The following LIPA variants were observed in gnomAD, a reference collection of about 807,000 sequenced individuals.
LIPA encodes lipase A, lysosomal acid type, also known as lysosomal acid lipase/cholesteryl ester hydrolase.
In LIPA, 26 loss-of-function variants were observed where a neutral mutation model predicts 40.6. The observed-to-expected ratio is 0.64, with a 90% CI of 0.47 to 0.89. The LOEUF is 0.89. LIPA is among the 40% of genes least tolerant of loss of function. The pLI, the probability that LIPA is intolerant of heterozygous loss-of-function variation, is 0.00. For synonymous variants in LIPA, 188 were observed against 168.4 expected, an observed-to-expected ratio of 1.12 and a Z score of -0.90; for missense variants, 455 against 479.6, an observed-to-expected ratio of 0.95 and a Z score of 0.48.
intron 1 of LIPA, among the ~76,000 whole-genome samples, chr10:89,323,039 C>A (rs560555949): frequency 6.6e-6 from 1 of 152,298 alleles, no homozygotes; most frequent in African/African-American, 2.4e-5. Context: ...CTCTTGTAGC[C>A]AGGCAAGCCA....
chr10:89,244,092 C>G (rs540020469), intron 3 of LIPA, among the ~76,000 whole-genome samples: 5 of 152,030 alleles, frequency 3.3e-5, no homozygotes, highest in African/African-American at 1.2e-4. Flanking sequence ...TAACTCATCA[C>G]TCATTTTATA....
intron 1 of LIPA, among the ~76,000 whole-genome samples, chr10:89,325,645 A>G (rs1005890604): frequency 6.6e-6 from 1 of 152,232 alleles, no homozygotes; most frequent in African/African-American, 2.4e-5. Context: ...GTTCTCACTT[A>G]TAAGTGGGAA....
intron 1 of LIPA, among the ~76,000 whole-genome samples, chr10:89,296,397 C>G (rs117390958): frequency 0.017 from 2,563 of 149,436 alleles, 72 homozygotes; most frequent in Admixed American, 0.08. Flanking sequence ...GAGGGTGAGG[C>G]ACGAGAACTG....
At chr10:89,254,156 G>C (rs1374467725), upstream of LIPA, among the ~76,000 whole-genome samples, 1 of 152,258 alleles carries the variant, frequency 6.6e-6, no homozygotes, top group Non-Finnish European at 1.5e-5. Flanking sequence ...TGGGGACTCT[G>C]TGTGAGGCCT....
intron 2 of LIPA, among the ~76,000 whole-genome samples, chr10:89,364,223 G>C (rs1433488513): frequency 2.0e-5 from 3 of 152,128 alleles, no homozygotes; most frequent in Admixed American, 1.3e-4. Flanking sequence ...CTTTATCACT[G>C]CACCCCTTTG....
rs187902136 is a variant in LIPA, at chr10:89,400,094, G to A, written c.61+12697C>T. Among the ~76,000 whole-genome samples, 189 of 152,310 alleles carry A rather than the reference G, an allele frequency of 1.2e-3. 3 individuals carry two copies. Among genetic ancestry groups the A allele is most frequent in the African/African-American group, 3.7e-3 (154 of 41,566 alleles). ...CTAACTAATACAGTCAGATAAGTAA[G>A]GGTTTTTTTCAGGGCTTTCTATTCT... On this transcript the variant is annotated intron_variant, in intron 2 of 8. Coordinates refer to the LIPA transcript ENST00000371837.
At chr10:89,410,192 A>T (rs191672955) in intron 2 of LIPA, among the ~76,000 whole-genome samples, 47 of 152,358 alleles carry the variant, frequency 3.1e-4, no homozygotes, top group African/African-American at 1.1e-3. Context: ...AAATAATATA[A>T]GGAAAGGGTC....
chr10:89,327,937 C>T (rs1843614742), intron 1 of LIPA: 2 of 754,436 alleles, frequency 2.7e-6, no homozygotes, highest in Non-Finnish European at 4.5e-6. Context: ...GAGAAAACAT[C>T]AGCTGATGCG....
chr10:89,221,849 A>G (rs1842702593), intron 8 of LIPA, among the ~76,000 whole-genome samples: 1 of 152,256 alleles, frequency 6.6e-6, no homozygotes, highest in African/African-American at 2.4e-5. Context: ...AGAGACATTC[A>G]ATATCTATGG....
At chr10:89,302,445 T>C (rs1843451325) in intron 1 of LIPA, among the ~76,000 whole-genome samples, 1 of 152,178 alleles carries the variant, frequency 6.6e-6, no homozygotes, top group African/African-American at 2.4e-5. Flanking sequence ...CACTTAAAGA[T>C]GGGTCTGGGG....
intron 2 of LIPA, among the ~76,000 whole-genome samples, chr10:89,372,378 A>G (rs1184972249): frequency 6.6e-6 from 1 of 152,252 alleles, no homozygotes; most frequent in Non-Finnish European, 1.5e-5. Context: ...GATTTTGCCA[A>G]ACACTTCAGG....
At position 89,267,939 on chromosome 10, in the gene LIPA, G is replaced by A. The variant is rs1843246568; in HGVS notation, c.-1-20290C>T. Among the ~76,000 whole-genome samples the A allele has an allele frequency of 2.0e-5, 3 of 152,158 alleles. No homozygotes were observed. In the South Asian group the frequency reaches 6.2e-4, roughly 32 times the overall value. On this transcript the variant is annotated intron_variant, in intron 1 of 5. Transcript: ENST00000282673. ...GAGAATAATGGAAAGTGGAACTCAG[G>A]GGAGTTAAGGAATGGGGAATAAGCT...
chr10:89,292,155 G>A lies in LIPA; in HGVS notation c.-1-44506C>T, dbSNP rs769746137. 1.1e-4 allele frequency: 16 copies of A among 152,160 alleles called. 1 individual carries two copies. The highest frequency in any genetic ancestry group is 3.9e-4 in the Admixed American group (6 of 15,272). 9.4% of individuals were successfully genotyped at this position (152,160 alleles called of 1,614,324 possible). On this transcript the variant is annotated intron_variant, in intron 1 of 5. Transcript: ENST00000282673. Reference sequence around the variant, plus strand: ...TGTTTTTGAGCATCTTTGTTACAGCGGCTAGGTGTATACTAATTCAGGGAT... The same window carrying A: ...TGTTTTTGAGCATCTTTGTTACAGCAGCTAGGTGTATACTAATTCAGGGAT...
chr10:89,214,026 A>G lies in LIPA; in HGVS notation c.*802T>C, dbSNP rs1295111738. ...CATTAATCTCAGAAAAAATAGTGGT[A>G]TAGTCTCCACAGGGATTTGCTTCTC... is the stretch of plus-strand genomic sequence containing the variant. On this transcript the variant is annotated 3_prime_UTR_variant, in exon 10 of 10. Transcript: ENST00000336233. 2.0e-5 allele frequency: 3 copies of G among 152,214 alleles called. No individual in the cohort carries two copies. Among genetic ancestry groups the G allele is most frequent in the Admixed American group, 1.3e-4 (2 of 15,278 alleles). 9.4% of individuals were successfully genotyped at this position (152,214 alleles called of 1,614,324 possible).
At chr10:89,395,501 G>C (rs1461297174) in intron 2 of LIPA, among the ~76,000 whole-genome samples, 1 of 151,916 alleles carries the variant, frequency 6.6e-6, no homozygotes, top group African/African-American at 2.4e-5. Flanking sequence ...TGCCTCCTTT[G>C]TATTTCACCT....
At chr10:89,252,499 A>AAAC (rs199531627), upstream of LIPA, among the ~76,000 whole-genome samples, 1 of 152,078 alleles carries the variant, frequency 6.6e-6, no homozygotes, top group Non-Finnish European at 1.5e-5. Flanking sequence ...AAAAACAAAC[A>AAAC]AACAACAACA....
intron 2 of LIPA, chr10:89,403,584 C>A (rs763322304): frequency 6.2e-7 from 1 of 1,613,976 alleles, no homozygotes; most frequent in South Asian, 1.1e-5. Flanking sequence ...GGCATTAGAT[C>A]TGGAAAGCTT....
intron 2 of LIPA, among the ~76,000 whole-genome samples, chr10:89,367,682 GT>G (rs1844066036): frequency 2.0e-5 from 3 of 152,292 alleles, no homozygotes; most frequent in Non-Finnish European, 2.9e-5. Flanking sequence ...ACCAAAGCTG[GT>G]TTCCCTAGTA....
chr10:89,227,073 G>A (rs1206908737), intron 4 of LIPA, 69 bp from the exon 5 acceptor site: 1 of 961,416 alleles, frequency 1.0e-6, no homozygotes, highest in Admixed American at 1.7e-5. Flanking sequence ...TACTGAGTAT[G>A]CAGTTTGATG....
Sources: allele counts gnomAD v4.1 joint callset (sites outside exome capture counted in the v4.1 genomes callset), GRCh38; gene constraint gnomAD v4.1.1; transcripts MANE v1.5; gene names NCBI Gene and HGNC (gene_info 2026-07-23, HGNC 2026-07-21).